LIPI: variants seen among roughly 807,000 people sequenced by gnomAD.
LIPI encodes lipase I, also known as lipase member I.
Under a neutral mutation model 50.6 loss-of-function variants are expected in LIPI, and 59 were observed. The ratio of observed to expected loss-of-function variants is 1.16; its 90% confidence interval spans 0.94 to 1.45. The LOEUF (loss-of-function observed/expected upper bound fraction) is 1.45. LIPI is among the 40% of genes most tolerant of loss of function. LIPI has a pLI of 0.00. For synonymous variants in LIPI, 203 were observed against 178.2 expected, an observed-to-expected ratio of 1.14 and a Z score of -1.11; for missense variants, 586 against 536.3, an observed-to-expected ratio of 1.09 and a Z score of -0.92.
At chr21:14,185,387 T>G (rs919819527) in intron 3 of LIPI, among the ~76,000 whole-genome samples, 2 of 152,224 alleles carry the variant, frequency 1.3e-5, no homozygotes, top group African/African-American at 4.8e-5. Flanking sequence ...ATTCTTACGA[T>G]AGTATGTCCT....
chr21:14,183,081 A>G (rs1449328458), intron 3 of LIPI, among the ~76,000 whole-genome samples: 1 of 150,806 alleles, frequency 6.6e-6, no homozygotes, highest in African/African-American at 2.4e-5. Context: ...ACTATGCTAC[A>G]AGGCTACAGT....
intron 1 of LIPI, among the ~76,000 whole-genome samples, chr21:14,203,651 A>T (rs2020138030): frequency 6.6e-6 from 1 of 152,140 alleles, no homozygotes; most frequent in South Asian, 2.1e-4. Flanking sequence ...ACATGGACAC[A>T]GGAAGGTGAA....
chr21:14,164,385 GA>G (rs1277934367), intron 6 of LIPI, among the ~76,000 whole-genome samples: 1 of 152,154 alleles, frequency 6.6e-6, no homozygotes, highest in East Asian at 1.9e-4. Flanking sequence ...CTTATAGACA[GA>G]AAAGTCTATG....
intron 9 of LIPI, among the ~76,000 whole-genome samples, chr21:14,130,348 A>C (rs956044750): frequency 3.3e-5 from 5 of 152,156 alleles, no homozygotes; most frequent in African/African-American, 4.8e-5. Flanking sequence ...TAAGAGAGAG[A>C]GAGAGAGACA....
chr21:14,133,478 C>T (rs2017374230), intron 9 of LIPI, among the ~76,000 whole-genome samples: 1 of 152,118 alleles, frequency 6.6e-6, no homozygotes, highest in African/African-American at 2.4e-5. Context: ...ACATACCTCA[C>T]ATAATAAAGA....
chr21:14,189,470 C>T (rs1323322743), intron 1 of LIPI, 51 bp from the exon 2 acceptor site: 2 of 1,524,774 alleles, frequency 1.3e-6, no homozygotes, highest in African/African-American at 2.7e-5. Context: ...GTATTTTATT[C>T]CTGTTGCTAT....
intron 1 of LIPI, among the ~76,000 whole-genome samples, chr21:14,208,540 G>GA (rs1314066540): frequency 1.3e-5 from 2 of 152,108 alleles, no homozygotes; most frequent in Non-Finnish European, 2.9e-5. Flanking sequence ...AAATGGTTGG[G>GA]AAAAAATCAA....
chr21:14,183,896 A>G (rs1252382069), intron 3 of LIPI, among the ~76,000 whole-genome samples: 4 of 152,230 alleles, frequency 2.6e-5, no homozygotes, highest in African/African-American at 7.2e-5. Flanking sequence ...AACTAGTTCA[A>G]CCACTGTGGA....
intron 1 of LIPI, among the ~76,000 whole-genome samples, chr21:14,196,806 A>T (rs1369238970): frequency 2.0e-5 from 3 of 152,156 alleles, no homozygotes; most frequent in Non-Finnish European, 2.9e-5. Flanking sequence ...AGCCTGGGCA[A>T]CAGAAGGAGA....
chr21:14,172,383 C>T (rs1056110785), intron 4 of LIPI, among the ~76,000 whole-genome samples: 2 of 152,168 alleles, frequency 1.3e-5, no homozygotes, highest in Admixed American at 6.5e-5. Flanking sequence ...ACCCAAAGGA[C>T]TATAAATCAT....
At chr21:14,114,288 A>G (rs2123306033) in intron 9 of LIPI, among the ~76,000 whole-genome samples, 1 of 152,296 alleles carries the variant, frequency 6.6e-6, no homozygotes, top group Non-Finnish European at 1.5e-5. Flanking sequence ...GGTCCCTCTC[A>G]TGACATGTGG....
At chr21:14,141,749 T>C (rs1029627052) in intron 9 of LIPI, among the ~76,000 whole-genome samples, 2 of 152,196 alleles carry the variant, frequency 1.3e-5, no homozygotes, top group African/African-American at 4.8e-5. Context: ...TTACCGTCCA[T>C]ATGAATGGAA....
At chr21:14,139,419 T>C (rs2017623753) in intron 9 of LIPI, among the ~76,000 whole-genome samples, 1 of 152,162 alleles carries the variant, frequency 6.6e-6, no homozygotes, top group African/African-American at 2.4e-5. Context: ...ATTAATCATT[T>C]TTTCTTTCTT....
intron 8 of LIPI, among the ~76,000 whole-genome samples, chr21:14,145,348 A>G (rs1279881221): frequency 2.6e-5 from 4 of 152,174 alleles, no homozygotes; most frequent in African/African-American, 9.7e-5. Flanking sequence ...TATGAGTATT[A>G]CCATTTTACA....
chr21:14,121,168 C>T (rs544589133), intron 9 of LIPI, among the ~76,000 whole-genome samples: 12 of 152,278 alleles, frequency 7.9e-5, no homozygotes, highest in African/African-American at 2.2e-4. Flanking sequence ...ATGCCTCTAC[C>T]TTTAGGCTCG....
In LIPI at chr21:14,207,089, T is replaced by C. The variant is rs17001303; in HGVS notation, c.46+3711A>G. The C allele has an allele frequency of 7.0e-3, 4,137 of 590,400 alleles. 137 individuals carry two copies. The highest frequency in any genetic ancestry group is 0.07 in the African/African-American group (3,742 of 53,448). The allele number at this position is 590,400 out of a possible 1,614,324, so 36.6% of individuals were successfully genotyped here. The stretch of plus-strand genomic sequence containing the variant: ...CAGAGCCAGTTAAGACACAACACTG[T>C]AGGTAAAATGTTAAAATCCCTGAAT... On this transcript the variant is annotated intron_variant, in intron 1 of 9. Coordinates refer to ENST00000681601, the MANE Select transcript of LIPI (RefSeq NM_001302998.2).
At chr21:14,130,701 C>A (rs554800126) in intron 9 of LIPI, among the ~76,000 whole-genome samples, 1 of 152,292 alleles carries the variant, frequency 6.6e-6, no homozygotes, top group Admixed American at 6.5e-5. Flanking sequence ...TGCCAACCAG[C>A]CAGAGGAGGG....
chr21:14,151,960 A>G (rs997720393), intron 8 of LIPI, among the ~76,000 whole-genome samples: 1 of 152,058 alleles, frequency 6.6e-6, no homozygotes, highest in African/African-American at 2.4e-5. Flanking sequence ...TGTGAACATG[A>G]TATTAACTGA....
At chr21:14,164,452 AGT>A (rs2018606231) in intron 6 of LIPI, among the ~76,000 whole-genome samples, 4 of 152,148 alleles carry the variant, frequency 2.6e-5, no homozygotes, top group African/African-American at 7.2e-5. Context: ...GGGTGTTCTC[AGT>A]GTGTGCTGAT....
Sources: gnomAD v4.1 joint callset for allele counts (sites outside exome capture counted in the v4.1 genomes callset) on GRCh38, gnomAD v4.1.1 for gene constraint, MANE v1.5 for transcripts, NCBI Gene and HGNC (gene_info 2026-07-23, HGNC 2026-07-21) for gene names.